The following KATNAL2 variants were observed in gnomAD, a reference collection of about 807,000 sequenced individuals.
The protein encoded by KATNAL2 is katanin p60 ATPase-containing subunit A-like 2.
A neutral mutation model predicts 76.3 loss-of-function variants in KATNAL2; 52 were observed. The ratio of observed to expected loss-of-function variants is 0.68; its 90% confidence interval spans 0.55 to 0.86. The LOEUF (loss-of-function observed/expected upper bound fraction) is 0.86, where lower values mean the gene tolerates loss of function less well. KATNAL2 is among the 40% of genes least tolerant of loss of function. The probability of loss-of-function intolerance (pLI) is 0.00; values close to 1 mark genes in which losing one functional copy is unlikely to be tolerated. For missense variants in KATNAL2, 660 were observed against 668.9 expected, an observed-to-expected ratio of 0.99 and a Z score of 0.15; for synonymous variants, 243 against 244.2, an observed-to-expected ratio of 1.00 and a Z score of 0.05.
At chr18:46,937,685 T>C (rs1171692928) in intron 1 of KATNAL2, among the ~76,000 whole-genome samples, 1 of 152,198 alleles carries the variant, frequency 6.6e-6, no homozygotes, top group Non-Finnish European at 1.5e-5. Flanking sequence ...CTCTCATACA[T>C]GTACATGTGC....
chr18:46,946,539 ATAT>A lies in KATNAL2; in HGVS notation c.-23_-21del, dbSNP rs1305968479. 7.1e-6 allele frequency: 7 copies of A among 985,486 alleles called. No individual in the cohort carries two copies. The highest frequency in any genetic ancestry group is 5.2e-4 in the Middle Eastern group (1 of 1,914). The allele number at this position is 985,486 out of a possible 1,614,324, so 61.0% of individuals were successfully genotyped here. A position where few individuals can be genotyped will look rare whatever the true frequency, so the allele number is the denominator to read the frequency against. ...GAACAACGGCTGAAATCAAGGACAAATATTATGGTACATGGCCCTGGGTCAGCT... is the reference window on the plus strand; with the variant it reads ...GAACAACGGCTGAAATCAAGGACAAATATGGTACATGGCCCTGGGTCAGCT... On this transcript the variant is annotated 5_prime_UTR_variant, in exon 2 of 18. The change creates a new upstream start codon in the 5' untranslated region. Coordinates refer to ENST00000683218, the MANE Select transcript of KATNAL2 (RefSeq NM_001387690.1).
intron 3 of KATNAL2, among the ~76,000 whole-genome samples, chr18:46,961,540 A>G (rs2146803866): frequency 6.6e-6 from 1 of 152,340 alleles, no homozygotes; most frequent in African/African-American, 2.4e-5. Flanking sequence ...TCCTATTACT[A>G]GCAATAAACT....
In KATNAL2 at chr18:46,946,902, C is replaced by T; in HGVS notation, c.30C>T (p.Phe10=). The T allele has an allele frequency of 6.5e-7, 1 of 1,534,976 alleles. No homozygotes were observed. Among genetic ancestry groups the T allele is most frequent in the Non-Finnish European group, 8.7e-7 (1 of 1,145,854 alleles). The change falls in exon 3 of 18, where the codon TTC becomes TTT. Residue 10 remains phenylalanine, a synonymous_variant. Transcript: ENST00000683218. Reference sequence around the variant, plus strand: ...AGCTTTCCTACCAGACCCTGAAATTCACGCATCAGGCGCGGGAAGCGGTAA... The same window carrying T: ...AGCTTTCCTACCAGACCCTGAAATTTACGCATCAGGCGCGGGAAGCGGTAA... MELSYQTLK[F]THQAREACEM... is the part of the protein sequence containing the mutation.
Position 47,045,987 on chromosome 18 carries a change from T to C in KATNAL2, c.52-470T>C, listed in dbSNP as rs1464138725. On this transcript the variant is annotated intron_variant, in intron 3 of 17. Coordinates refer to ENST00000683218, the MANE Select transcript of KATNAL2 (RefSeq NM_001387690.1). ...GCCTGTGCAGTCACCCCTGAATGGT[T>C]TGTGGGAACTCATCTCTGCATTTGG... 2.6e-5 allele frequency among the ~76,000 whole-genome samples: 4 copies of C among 152,200 alleles called. No individual in the cohort carries two copies. In the East Asian group the frequency reaches 5.8e-4, roughly 22 times the overall value.
chr18:47,049,936 T>C (rs966234995), intron 4 of KATNAL2, among the ~76,000 whole-genome samples: 2 of 152,226 alleles, frequency 1.3e-5, no homozygotes, highest in Non-Finnish European at 2.9e-5. Context: ...TCTCGCTATG[T>C]AGACATAGCT....
At chr18:47,084,478 G>A (rs1406721770) in intron 15 of KATNAL2, 1 of 694,406 alleles carries the variant, frequency 1.4e-6, no homozygotes, top group Non-Finnish European at 2.6e-6. Context: ...AGATCTAGTG[G>A]CCTGGTATGT....
chr18:46,917,716 C>A lies in KATNAL2; in HGVS notation c.-720C>A. 3.4e-6 allele frequency: 1 copy of A among 297,228 alleles called. No individual in the cohort carries two copies. The highest frequency in any genetic ancestry group is 6.4e-5 in the Admixed American group (1 of 15,594). 18.4% of individuals were successfully genotyped at this position (297,228 alleles called of 1,614,324 possible). ...CCCCGGCGGAGGCCCCTGCGGACTG[C>A]CTAGAGCTGGGTCGCAACTGAGGCG... On this transcript the variant is annotated 5_prime_UTR_variant, in exon 1 of 18. Transcript: ENST00000683218.
chr18:46,938,344 G>T (rs986472889), intron 1 of KATNAL2, among the ~76,000 whole-genome samples: 6 of 152,092 alleles, frequency 3.9e-5, no homozygotes, highest in African/African-American at 1.2e-4. Context: ...TGGTACCTCT[G>T]GGGGATGGGA....
At chr18:46,954,324 G>GT (rs2059658844) in intron 3 of KATNAL2, among the ~76,000 whole-genome samples, 1 of 139,010 alleles carries the variant, frequency 7.2e-6, no homozygotes, top group African/African-American at 2.7e-5. Context: ...CTTCTTCTTC[G>GT]TCTTTTTTTT....
rs945185126 is a variant in KATNAL2, at chr18:47,046,459, C to A, written c.54C>A (p.Cys18Ter). The A allele has an allele frequency of 1.4e-5, 21 of 1,534,752 alleles. No homozygotes were observed. The highest frequency in any genetic ancestry group is 4.9e-5 in the East Asian group (2 of 40,906). ...ACCTAAATTTTCCTCTGTTCCAGTGCGAGATGAGGACAGAAGCACGACGAA... is the reference window on the plus strand; with the variant it reads ...ACCTAAATTTTCCTCTGTTCCAGTGAGAGATGAGGACAGAAGCACGACGAA... ...LKFTHQAREA[C>*]EMRTEARRKN... The change falls in exon 4 of 18, where the codon TGC becomes TGA. Residue 18 changes from cysteine (C) to a stop codon, truncating the protein, a stop_gained and splice_region_variant. Transcript: ENST00000683218. LOFTEE classifies it high-confidence loss of function.
At chr18:46,934,036 C>T (rs895680843) in intron 1 of KATNAL2, among the ~76,000 whole-genome samples, 1 of 151,364 alleles carries the variant, frequency 6.6e-6, no homozygotes, top group Non-Finnish European at 1.5e-5. Flanking sequence ...TTTTCTTAAT[C>T]CAGTCTGTCA....
intron 15 of KATNAL2, among the ~76,000 whole-genome samples, chr18:47,092,282 T>G (rs920474535): frequency 6.6e-6 from 1 of 152,172 alleles, no homozygotes. Flanking sequence ...GCAGATCACT[T>G]GAGGTCAGGA....
At chr18:47,032,939 A>T in intron 3 of KATNAL2, 1 of 1,611,650 alleles carries the variant, frequency 6.2e-7, no homozygotes, top group Non-Finnish European at 8.5e-7. Flanking sequence ...TCGTTCCCCA[A>T]CCCGCATTGA....
At chr18:47,074,009 T>G (rs1157807669) in intron 13 of KATNAL2, among the ~76,000 whole-genome samples, 2 of 152,348 alleles carry the variant, frequency 1.3e-5, no homozygotes, top group East Asian at 3.9e-4. Flanking sequence ...ATTCTAATAT[T>G]TCATTCCTCA....
intron 1 of KATNAL2, among the ~76,000 whole-genome samples, chr18:46,928,798 T>G (rs2058814192): frequency 6.6e-6 from 1 of 152,146 alleles, no homozygotes; most frequent in Admixed American, 6.5e-5. Flanking sequence ...TGATCTGATT[T>G]CTTTCTCTTT....
chr18:46,919,313 C>G (rs553413789), intron 1 of KATNAL2, among the ~76,000 whole-genome samples: 1 of 151,972 alleles, frequency 6.6e-6, no homozygotes, highest in Non-Finnish European at 1.5e-5. Flanking sequence ...ATGGAGAAAC[C>G]CCGTCTCCAC....
intron 1 of KATNAL2, among the ~76,000 whole-genome samples, chr18:46,938,045 A>C (rs1451541588): frequency 6.6e-6 from 1 of 152,072 alleles, no homozygotes; most frequent in Non-Finnish European, 1.5e-5. Context: ...GCAGTGAGCC[A>C]TGTTTGTGCC....
chr18:47,069,881 C>T (rs2061936189), intron 13 of KATNAL2, among the ~76,000 whole-genome samples: 1 of 152,110 alleles, frequency 6.6e-6, no homozygotes, highest in African/African-American at 2.4e-5. Flanking sequence ...AAAAAAATCT[C>T]TGACGTGGCA....
chr18:47,083,983 G>C (rs1475476029), intron 15 of KATNAL2, among the ~76,000 whole-genome samples: 1 of 152,166 alleles, frequency 6.6e-6, no homozygotes, highest in African/African-American at 2.4e-5. Context: ...TTAAAAATCA[G>C]ACACCTGGTA....
Sources: gnomAD v4.1 joint callset for allele counts (sites outside exome capture counted in the v4.1 genomes callset) on GRCh38, gnomAD v4.1.1 for gene constraint, MANE v1.5 for transcripts, NCBI Gene and HGNC (gene_info 2026-07-23, HGNC 2026-07-21) for gene names.